The following DNMT1 variants were observed in gnomAD, a reference collection of about 807,000 sequenced individuals.
The protein encoded by DNMT1 is DNA (cytosine-5)-methyltransferase 1.
Under a neutral mutation model 205.3 loss-of-function variants are expected in DNMT1, and 24 were observed. The observed-to-expected ratio is 0.12, with a 90% CI of 0.08 to 0.16. DNMT1 has a LOEUF of 0.16. Among genes scored for constraint, DNMT1 ranks in the 10% least tolerant of loss-of-function variants. The pLI is 1.00. For missense variants in DNMT1, 1,293 were observed against 2,177.7 expected, an observed-to-expected ratio of 0.59 and a Z score of 8.09; for synonymous variants, 817 against 839.8, an observed-to-expected ratio of 0.97 and a Z score of 0.47.
intron 1 of DNMT1, among the ~76,000 whole-genome samples, chr19:10,188,962 A>C (rs1432811303): frequency 1.3e-5 from 2 of 152,154 alleles, no homozygotes; most frequent in African/African-American, 4.8e-5. Context: ...GAGCCCCCAG[A>C]AAGGAATGCA....
chr19:10,164,955 A>G (rs2038655982), intron 11 of DNMT1, among the ~76,000 whole-genome samples: 4 of 120,676 alleles, frequency 3.3e-5, no homozygotes. Context: ...AAAAAAAAAA[A>G]AAGAACAAAC....
chr19:10,154,576 G>A lies in DNMT1; in HGVS notation c.1832+10C>T, dbSNP rs371792523. 59 of 1,613,768 alleles carry A rather than the reference G, an allele frequency of 3.7e-5. No individual in the cohort carries two copies. The highest frequency in any genetic ancestry group is 9.3e-5 in the African/African-American group (7 of 74,898). ...TCCAGTCTTCACTCTGGTCCCTGCCGCATCCTTACCTCTGTCCCAGCGTGA... is the reference window on the plus strand; with the variant it reads ...TCCAGTCTTCACTCTGGTCCCTGCCACATCCTTACCTCTGTCCCAGCGTGA... On this transcript the variant is annotated intron_variant, in intron 21 of 40. Coordinates refer to ENST00000359526, the MANE Select transcript of DNMT1 (RefSeq NM_001130823.3). This position sits in a 1 kb window ranked among gnomAD's most constrained non-coding sequence, Gnocchi z 6.3.
intron 3 of DNMT1, 100 bp from the exon 4 acceptor site, chr19:10,180,669 C>CATCATT: frequency 6.8e-7 from 1 of 1,471,748 alleles, no homozygotes; most frequent in African/African-American, 1.4e-5. Context: ...TCATCATCAT[C>CATCATT]ATCATCAGGC....
At position 10,135,728 on chromosome 19, in the gene DNMT1, C is replaced by G; in HGVS notation, c.4773+8G>C. 6.2e-7 allele frequency: 1 copy of G among 1,606,222 alleles called. No individual in the cohort carries two copies. Among genetic ancestry groups the G allele is most frequent in the Non-Finnish European group, 8.5e-7 (1 of 1,178,224 alleles). ...CTGTCCAGACCCAGCGGGCGCCGCCCCACTGACCTGCCGGTGCTTGTCCAG... is the reference window on the plus strand; with the variant it reads ...CTGTCCAGACCCAGCGGGCGCCGCCGCACTGACCTGCCGGTGCTTGTCCAG... On this transcript the variant is annotated splice_region_variant and intron_variant, in intron 39 of 40. Transcript: ENST00000359526.
chr19:10,173,223 C>T (rs768686880), intron 8 of DNMT1, 49 bp from the exon 9 acceptor site: 9 of 1,592,818 alleles, frequency 5.7e-6, no homozygotes, highest in Non-Finnish European at 7.8e-6. Context: ...CAGGAGCTTC[C>T]CCAAAGAAGC....
rs746821606 is a variant in DNMT1 at position 10,148,994 on chromosome 19, C to G, written c.2610G>C (p.Leu870=). 1.2e-6 allele frequency: 2 copies of G among 1,614,132 alleles called. No homozygotes were observed. The highest frequency in any genetic ancestry group is 2.2e-5 in the South Asian group (2 of 91,072). Residue 870 remains leucine (L), a synonymous_variant, in exon 27 of 41, where the codon CTG becomes CTC. Transcript: ENST00000359526. ...AMEGGMDPES[L]LEGDDGKTYF... is the part of the protein sequence containing the mutation. Reference sequence around the variant, plus strand: ...AGGTCTTCCCGTCGTCCCCCTCCAGCAGGGACTCGGGATCCATGCCTCCCT... The same window carrying G: ...AGGTCTTCCCGTCGTCCCCCTCCAGGAGGGACTCGGGATCCATGCCTCCCT...
chr19:10,149,146 A>G, intron 26 of DNMT1, 129 bp from the exon 27 acceptor site: 7 of 1,312,114 alleles, frequency 5.3e-6, no homozygotes, highest in Non-Finnish European at 7.4e-6. Context: ...CAACATGGTG[A>G]AACCCCGTCT....
rs567691151 is a variant in DNMT1, at chr19:10,136,445, T to C, written c.4490-158A>G. Among the ~76,000 whole-genome samples, 3 of 152,294 alleles carry C rather than the reference T, an allele frequency of 2.0e-5. No individual in the cohort carries two copies. The South Asian group carries it at 6.2e-4, about 32-fold the overall frequency. ...ATCCTCGTTCTCTGGGCACTGTTTT[T>C]ATTATTAGTATTATATGTCTCGCTC... On this transcript the variant is annotated intron_variant, in intron 37 of 40. Transcript: ENST00000359526.
intron 9 of DNMT1, among the ~76,000 whole-genome samples, chr19:10,171,992 G>C (rs895780687): frequency 6.6e-6 from 1 of 151,172 alleles, no homozygotes; most frequent in Non-Finnish European, 1.5e-5. Flanking sequence ...GGGTGATAGA[G>C]CGGGAGACTG....
At chr19:10,172,524 T>G (rs2038844146) in intron 9 of DNMT1, among the ~76,000 whole-genome samples, 1 of 151,806 alleles carries the variant, frequency 6.6e-6, no homozygotes, top group Non-Finnish European at 1.5e-5. Flanking sequence ...CTGTGACTAG[T>G]TGATTAAGTG....
chr19:10,168,384 G>A lies in DNMT1; in HGVS notation c.769-20C>T, dbSNP rs375438948. 5.8e-5 allele frequency: 93 copies of A among 1,613,530 alleles called. 3 individuals are homozygous for A. The South Asian group carries it at 9.8e-4, about 17-fold the overall frequency. Reference sequence around the variant, plus strand: ...TTCTTCCTAAGTTGCAGGGAAAAAAGACAAGTTAATTTTTTCCATTTGGTT... The same window carrying A: ...TTCTTCCTAAGTTGCAGGGAAAAAAAACAAGTTAATTTTTTCCATTTGGTT... On this transcript the variant is annotated intron_variant, in intron 9 of 40. Transcript: ENST00000359526.
At position 10,151,926 on chromosome 19, in the gene DNMT1, G is replaced by A. The variant is rs927335151; in HGVS notation, c.2020-79C>T. The A allele has an allele frequency of 2.0e-5, 28 of 1,369,590 alleles. No homozygotes were observed. The East Asian group carries it at 2.1e-4, about 10-fold the overall frequency. The allele number at this position is 1,369,590 out of a possible 1,614,324, so 84.8% of individuals were successfully genotyped here. A position where few individuals can be genotyped will look rare whatever the true frequency, so the allele number is the denominator to read the frequency against. ...TGTAATCCCAGTATTTCAGAAGGCCGAGGCAGGCAGATCACTTAAGGTCAG... is the reference window on the plus strand; with the variant it reads ...TGTAATCCCAGTATTTCAGAAGGCCAAGGCAGGCAGATCACTTAAGGTCAG... On this transcript the variant is annotated intron_variant, in intron 22 of 40. Transcript: ENST00000359526. The surrounding 1 kb of genome is among the most constrained non-coding windows in gnomAD (Gnocchi z 5.0).
chr19:10,154,563 T>C lies in DNMT1; in HGVS notation c.1832+23A>G. 2 of 1,613,844 alleles carry C rather than the reference T, an allele frequency of 1.2e-6. No homozygotes were observed. The highest frequency in any genetic ancestry group is 2.2e-5 in the South Asian group (2 of 91,074). On this transcript the variant is annotated intron_variant, in intron 21 of 40. Coordinates refer to ENST00000359526, the MANE Select transcript of DNMT1 (RefSeq NM_001130823.3). This position sits in a 1 kb window ranked among gnomAD's most constrained non-coding sequence, Gnocchi z 6.3. The stretch of plus-strand genomic sequence containing the variant: ...ACCCTCCCCGGTCTCCAGTCTTCAC[T>C]CTGGTCCCTGCCGCATCCTTACCTC...
At chr19:10,165,956 C>T (rs974676500) in intron 11 of DNMT1, among the ~76,000 whole-genome samples, 1 of 152,134 alleles carries the variant, frequency 6.6e-6, no homozygotes, top group South Asian at 2.1e-4. Flanking sequence ...AGCCCGTGAC[C>T]TTGGGCTCCA....
At chr19:10,188,075 A>G (rs899390476) in intron 1 of DNMT1, among the ~76,000 whole-genome samples, 10 of 152,212 alleles carry the variant, frequency 6.6e-5, no homozygotes, top group Non-Finnish European at 1.2e-4. Flanking sequence ...CCAGTGAGCT[A>G]TAATTGTGCC....
chr19:10,183,092 T>TATAC lies in DNMT1; in HGVS notation c.81-1016_81-1015insGTAT, dbSNP rs752932947. ...ATACATATGTGTGTGTATATATATA[T>TATAC]ACACGTATATATACGTGTGTATATA... On this transcript the variant is annotated intron_variant, in intron 1 of 40. Coordinates refer to ENST00000359526, the MANE Select transcript of DNMT1 (RefSeq NM_001130823.3). 1.7e-3 allele frequency among the ~76,000 whole-genome samples: 231 copies of TATAC among 138,510 alleles called. 4 individuals are homozygous for TATAC. Among genetic ancestry groups the TATAC allele is most frequent in the African/African-American group, 6.4e-3 (223 of 34,720 alleles). 90.9% of individuals were successfully genotyped at this position (138,510 alleles called of 152,430 possible).
intron 30 of DNMT1, chr19:10,141,801 G>C: frequency 5.2e-6 from 3 of 575,434 alleles, no homozygotes; most frequent in Non-Finnish European, 9.2e-6. Flanking sequence ...TTAAAAACCA[G>C]GAGTGTTAAA....
At chr19:10,160,246 T>G in intron 14 of DNMT1, 138 bp downstream of exon 14, 2 of 1,515,868 alleles carry the variant, frequency 1.3e-6, no homozygotes, top group Non-Finnish European at 1.8e-6. Flanking sequence ...TGACGCACCT[T>G]GGTCCTATGT....
chr19:10,170,265 A>G (rs748106137), intron 9 of DNMT1, among the ~76,000 whole-genome samples: 1 of 152,108 alleles, frequency 6.6e-6, no homozygotes, highest in African/African-American at 2.4e-5. Flanking sequence ...AGCCTGAGCG[A>G]AAGAGCAAAA....
Sources: gnomAD v4.1 joint callset for allele counts (sites outside exome capture counted in the v4.1 genomes callset) on GRCh38, gnomAD v4.1.1 for gene constraint, Gnocchi (gnomAD v3.1) non-coding constraint, MANE v1.5 for transcripts, NCBI Gene and HGNC (gene_info 2026-07-23, HGNC 2026-07-21) for gene names.